DCDC1: variants seen among roughly 807,000 people sequenced by gnomAD.
The protein encoded by DCDC1 is doublecortin domain containing 1.
A neutral mutation model predicts 178.3 loss-of-function variants in DCDC1; 200 were observed. The ratio of observed to expected loss-of-function variants is 1.12; its 90% CI spans 1.00 to 1.26. The LOEUF (loss-of-function observed/expected upper bound fraction) is 1.26. DCDC1 is among the 50% of genes most tolerant of loss of function. The probability of loss-of-function intolerance (pLI) is 0.00; values close to 1 mark genes in which losing one functional copy is unlikely to be tolerated. For missense variants in DCDC1, 1,983 were observed against 1,749.2 expected (o/e 1.13, Z -2.38); for synonymous variants, 690 against 604.8 (o/e 1.14, Z -2.07).
intron 20 of DCDC1, among the ~76,000 whole-genome samples, chr11:30,991,992 ATGCACT>A (rs1236568947): frequency 6.5e-4 from 99 of 152,334 alleles, no homozygotes; most frequent in African/African-American, 2.3e-3. Context: ...AGTATGTGCC[ATGCACT>A]TCTGTGTTGT....
intron 20 of DCDC1, among the ~76,000 whole-genome samples, chr11:31,043,491 C>A (rs1167891737): frequency 2.0e-5 from 3 of 151,964 alleles, no homozygotes; most frequent in Non-Finnish European, 2.9e-5. Flanking sequence ...AAATTTTTTT[C>A]CCTAATGGAT....
intron 11 of DCDC1, among the ~76,000 whole-genome samples, chr11:31,124,719 C>T (rs542745049): frequency 1.3e-5 from 2 of 152,256 alleles, no homozygotes; most frequent in African/African-American, 2.4e-5. Flanking sequence ...GCTGCAACAA[C>T]TGGCTAACCA....
intron 9 of DCDC1, among the ~76,000 whole-genome samples, chr11:31,188,425 A>G (rs2136331295): frequency 6.6e-6 from 1 of 152,298 alleles, no homozygotes; most frequent in South Asian, 2.1e-4. Flanking sequence ...ATAACAAGAC[A>G]AAGCCTCTGC....
rs1283919912 is a variant in DCDC1 at position 31,070,470 on chromosome 11, A to C, written c.2299-5317T>G. On this transcript the variant is annotated intron_variant, in intron 18 of 38. Coordinates refer to ENST00000684477, the MANE Select transcript of DCDC1 (RefSeq NM_001387274.1). Reference sequence around the variant, plus strand: ...ACCTATTTTTTACCACCAGAAGATAAATTTTAACAAAGCCCATCTCTAATC... The same window carrying C: ...ACCTATTTTTTACCACCAGAAGATACATTTTAACAAAGCCCATCTCTAATC... Among the ~76,000 whole-genome samples the C allele has an allele frequency of 2.0e-5, 3 of 152,180 alleles. No homozygotes were observed. In the East Asian group the frequency reaches 5.8e-4, roughly 29 times the overall value.
At chr11:31,350,954 A>G (rs1203029714) in intron 1 of DCDC1, among the ~76,000 whole-genome samples, 1 of 152,070 alleles carries the variant, frequency 6.6e-6, no homozygotes, top group African/African-American at 2.4e-5. Flanking sequence ...TGTAGCTAAC[A>G]TTAAATATTT....
intron 20 of DCDC1, among the ~76,000 whole-genome samples, chr11:31,056,416 A>G (rs1460224320): frequency 6.6e-6 from 1 of 152,120 alleles, no homozygotes; most frequent in African/African-American, 2.4e-5. Flanking sequence ...AGATTGTAAT[A>G]CTGCACTAAA....
At chr11:30,997,656 G>A (rs1396001027) in intron 20 of DCDC1, among the ~76,000 whole-genome samples, 1 of 152,174 alleles carries the variant, frequency 6.6e-6, no homozygotes, top group Non-Finnish European at 1.5e-5. Flanking sequence ...AAGGGATACA[G>A]ATGATAGGAG....
chr11:31,240,269 A>G (rs1329884497), intron 9 of DCDC1, among the ~76,000 whole-genome samples: 1 of 151,998 alleles, frequency 6.6e-6, no homozygotes, highest in Non-Finnish European at 1.5e-5. Context: ...TCTATATATA[A>G]TGGCTTAATA....
chr11:31,071,548 C>T (rs1045376879), intron 18 of DCDC1, among the ~76,000 whole-genome samples: 1 of 152,148 alleles, frequency 6.6e-6, no homozygotes, highest in African/African-American at 2.4e-5. Context: ...TAGCCCCTCC[C>T]ATACTGTCAA....
intron 21 of DCDC1, among the ~76,000 whole-genome samples, chr11:30,949,068 A>T (rs1295610453): frequency 6.6e-6 from 1 of 152,234 alleles, no homozygotes; most frequent in African/African-American, 2.4e-5. Context: ...TGAAAAGGCA[A>T]CCTACAGAAT....
intron 9 of DCDC1, among the ~76,000 whole-genome samples, chr11:31,231,204 C>A (rs1358697888): frequency 1.3e-5 from 2 of 152,200 alleles, no homozygotes; most frequent in Non-Finnish European, 1.5e-5. Flanking sequence ...CTTAAGCAAT[C>A]CCCCTGCCTC....
chr11:31,243,528 GT>G (rs1977445693), intron 8 of DCDC1, among the ~76,000 whole-genome samples: 1 of 151,544 alleles, frequency 6.6e-6, no homozygotes, highest in African/African-American at 2.4e-5. Context: ...ACCTATGCTT[GT>G]CACAAAATAA....
intron 9 of DCDC1, among the ~76,000 whole-genome samples, chr11:31,147,383 C>T (rs1040330760): frequency 2.0e-5 from 3 of 152,018 alleles, no homozygotes; most frequent in African/African-American, 7.2e-5. Context: ...AAGGAAACAG[C>T]CTTTTTTGCA....
At chr11:31,164,249 G>A (rs1234776723) in intron 9 of DCDC1, among the ~76,000 whole-genome samples, 3 of 152,064 alleles carry the variant, frequency 2.0e-5, no homozygotes, top group Non-Finnish European at 4.4e-5. Flanking sequence ...TGATGGAGCT[G>A]AAAAATTCCT....
At chr11:31,302,276 G>A (rs536312955) in intron 6 of DCDC1, among the ~76,000 whole-genome samples, 2 of 152,208 alleles carry the variant, frequency 1.3e-5, no homozygotes, top group East Asian at 1.9e-4. Context: ...AGTTATAAAG[G>A]AACTGAACTC....
chr11:31,102,750 T>G (rs1958593210), intron 14 of DCDC1, among the ~76,000 whole-genome samples: 1 of 152,214 alleles, frequency 6.6e-6, no homozygotes, highest in Non-Finnish European at 1.5e-5. Context: ...ATTAATTTAC[T>G]TGAACAAAAT....
intron 11 of DCDC1, among the ~76,000 whole-genome samples, chr11:31,116,114 A>T (rs1263902522): frequency 6.6e-6 from 1 of 151,802 alleles, no homozygotes; most frequent in Non-Finnish European, 1.5e-5. Flanking sequence ...TACTCAAAAC[A>T]ACTGGATTTT....
intron 21 of DCDC1, among the ~76,000 whole-genome samples, chr11:30,933,056 C>T (rs1947041368): frequency 6.6e-6 from 1 of 151,978 alleles, no homozygotes; most frequent in South Asian, 2.1e-4. Flanking sequence ...TCTGCAATGA[C>T]CATCCTGTAA....
At chr11:31,309,832 C>A (rs768497601) in intron 3 of DCDC1, among the ~76,000 whole-genome samples, 1 of 152,086 alleles carries the variant, frequency 6.6e-6, no homozygotes, top group Non-Finnish European at 1.5e-5. Context: ...ATCCTCAATT[C>A]TATTGCCTTC....
Sources: allele counts gnomAD v4.1 joint callset (sites outside exome capture counted in the v4.1 genomes callset), GRCh38; gene constraint gnomAD v4.1.1; transcripts MANE v1.5; gene names NCBI Gene and HGNC (gene_info 2026-07-23, HGNC 2026-07-21).